Variants in CELF2 observed in about 807,000 individuals in gnomAD.
CELF2 encodes the protein CUGBP Elav-like family member 2, also known as CUG triplet repeat RNA-binding protein 2.
Under a neutral mutation model 62.6 loss-of-function variants are expected in CELF2, and 8 were observed. That is an observed-to-expected ratio of 0.13 (90% CI 0.07 to 0.23). CELF2 has a LOEUF of 0.23. Among genes scored for constraint, CELF2 ranks in the 10% least tolerant of loss-of-function variants. The probability of loss-of-function intolerance (pLI) is 1.00; values close to 1 mark genes in which losing one functional copy is unlikely to be tolerated. For synonymous variants in CELF2, 258 were observed against 250.0 expected (o/e 1.03, Z -0.30); for missense variants, 333 against 671.0 (o/e 0.50, Z 5.56).
chr10:10,894,682 G>GA (rs5783184), intron 1 of CELF2, among the ~76,000 whole-genome samples: 8 of 151,486 alleles, frequency 5.3e-5, no homozygotes, highest in Admixed American at 2.0e-4. Context: ...CCACCTGAAA[G>GA]AAAAAAAAAT....
intron 9 of CELF2, among the ~76,000 whole-genome samples, chr10:11,312,891 G>A (rs971005596): frequency 6.6e-6 from 1 of 152,196 alleles, no homozygotes; most frequent in Non-Finnish European, 1.5e-5. Context: ...CCAAGATCAT[G>A]CCACTGCACT....
the CELF2 span, among the ~76,000 whole-genome samples, chr10:10,774,252 G>A: frequency 6.6e-6 from 1 of 152,178 alleles, no homozygotes; most frequent in East Asian, 1.9e-4. Context: ...GTGGATAGAC[G>A]GAAGCACACG....
the CELF2 span, among the ~76,000 whole-genome samples, chr10:10,642,183 T>TCC: frequency 4.6e-5 from 7 of 152,250 alleles, no homozygotes; most frequent in East Asian, 1.2e-3. Context: ...ATATTTATAA[T>TCC]AGTCCCAAGA....
chr10:10,833,850 A>G (rs1241399696), intron 1 of CELF2, among the ~76,000 whole-genome samples: 3 of 152,242 alleles, frequency 2.0e-5, no homozygotes, highest in African/African-American at 2.4e-5. Flanking sequence ...GGGAATGTCC[A>G]TACCCTGTTG....
intron 2 of CELF2, among the ~76,000 whole-genome samples, chr10:10,920,278 T>G (rs1327185407): frequency 1.3e-5 from 2 of 152,232 alleles, no homozygotes; most frequent in Admixed American, 1.3e-4. Flanking sequence ...GAGCTAGATA[T>G]GCCATAGAAA....
intron 1 of CELF2, among the ~76,000 whole-genome samples, chr10:10,872,732 T>A (rs1027318637): frequency 1.3e-4 from 20 of 151,788 alleles, no homozygotes; most frequent in African/African-American, 3.9e-4. Context: ...TATGGAAAAA[T>A]TTTTTTTGCA....
At chr10:10,897,013 T>C (rs1448804852) in intron 1 of CELF2, among the ~76,000 whole-genome samples, 1 of 152,046 alleles carries the variant, frequency 6.6e-6, no homozygotes, top group Non-Finnish European at 1.5e-5. Context: ...GAAGTGGCTG[T>C]GGAATTGGGT....
exon 1 of CELF2, chr10:10,798,765 A>G (rs1174153667): frequency 2.5e-6 from 1 of 398,676 alleles, no homozygotes; most frequent in Non-Finnish European, 4.4e-6. Context: ...CTCCTAGACA[A>G]TGGTTTCCTT....
rs2071825185 is a variant in CELF2 at position 11,177,940 on chromosome 10, GACA to G, written c.271+12259_271+12261del. Among the ~76,000 whole-genome samples, 5 of 152,194 alleles carry G rather than the reference GACA, an allele frequency of 3.3e-5. No homozygotes were observed. Among genetic ancestry groups the G allele is most frequent in the Non-Finnish European group, 5.9e-5 (4 of 68,032 alleles). ...GTATGTCCTGGTGGTGGCCTTAGAA[GACA>G]GCCCCTGTGAGGCTCAGTAAGCCGC... On this transcript the variant is annotated intron_variant, in intron 2 of 12. Transcript: ENST00000633077. The surrounding 1 kb of genome is among the most constrained non-coding windows in gnomAD (Gnocchi z 4.8).
the CELF2 span, among the ~76,000 whole-genome samples, chr10:10,745,112 G>C: frequency 2.9e-5 from 2 of 68,666 alleles, no homozygotes; most frequent in South Asian, 7.9e-4. Flanking sequence ...ACCATGCCAC[G>C]TAAAAAAAAA....
intron 2 of CELF2, among the ~76,000 whole-genome samples, chr10:11,176,054 C>G (rs913734698): frequency 6.6e-6 from 1 of 152,106 alleles, no homozygotes; most frequent in Non-Finnish European, 1.5e-5. Flanking sequence ...CGCTAGAGAG[C>G]GTGATCATCC....
At chr10:10,831,949 G>A (rs997888540) in intron 1 of CELF2, among the ~76,000 whole-genome samples, 1 of 151,908 alleles carries the variant, frequency 6.6e-6, no homozygotes, top group Non-Finnish European at 1.5e-5. Flanking sequence ...TCCAGCCTGG[G>A]TGACAGAGCG....
At chr10:10,746,348 T>TAC in the CELF2 span, among the ~76,000 whole-genome samples, 82,086 of 151,908 alleles carry the variant, frequency 0.54, 23,620 homozygotes, top group African/African-American at 0.74. Context: ...CAAAATTTGT[T>TAC]AGTCACCCCG....
chr10:10,874,347 C>G (rs2060951894), intron 1 of CELF2, among the ~76,000 whole-genome samples: 1 of 150,124 alleles, frequency 6.7e-6, no homozygotes. Context: ...AGAGTAGTGA[C>G]AAAGAGACTC....
intron 1 of CELF2, among the ~76,000 whole-genome samples, chr10:11,082,300 G>A (rs1455878262): frequency 1.3e-5 from 2 of 152,212 alleles, no homozygotes; most frequent in African/African-American, 4.8e-5. Context: ...TGCAGCCAAC[G>A]GTTGAACTTT....
intron 1 of CELF2, among the ~76,000 whole-genome samples, chr10:10,900,506 C>A (rs188210042): frequency 2.2e-4 from 34 of 152,176 alleles, no homozygotes; most frequent in African/African-American, 5.1e-4. Context: ...CAAAACTCTA[C>A]ATTCATTCTT....
the CELF2 span, among the ~76,000 whole-genome samples, chr10:10,656,113 T>G: frequency 2.1e-5 from 3 of 145,700 alleles, no homozygotes; most frequent in Admixed American, 2.0e-4. Flanking sequence ...AAAAAACACA[T>G]GAAAAAATGC....
chr10:10,896,583 C>A (rs2062569219), intron 1 of CELF2, among the ~76,000 whole-genome samples: 1 of 151,836 alleles, frequency 6.6e-6, no homozygotes, highest in South Asian at 2.1e-4. Context: ...CACAGAGGCA[C>A]AGACAACACA....
intron 2 of CELF2, chr10:10,966,735 C>G (rs112321006): frequency 1.3e-5 from 2 of 152,340 alleles, no homozygotes; most frequent in African/African-American, 4.8e-5. Context: ...AAACCAGAGG[C>G]TGGCCTGAAT....
Sources: gnomAD v4.1 joint callset for allele counts (sites outside exome capture counted in the v4.1 genomes callset) on GRCh38, gnomAD v4.1.1 for gene constraint, Gnocchi (gnomAD v3.1) non-coding constraint, MANE v1.5 for transcripts, NCBI Gene and HGNC (gene_info 2026-07-23, HGNC 2026-07-21) for gene names.